Variants in GAS2L3 observed in about 807,000 individuals in gnomAD.
GAS2L3 encodes GAS2-like protein 3.
In GAS2L3, 28 loss-of-function variants were observed where a neutral mutation model predicts 37.0. The ratio of observed to expected loss-of-function variants is 0.76; its 90% CI spans 0.56 to 1.04. The LOEUF (loss-of-function observed/expected upper bound fraction) is 1.04, where lower values mean the gene tolerates loss of function less well. Ranked by LOEUF, GAS2L3 falls within the 50% of genes least tolerant of loss-of-function variation. GAS2L3 has a pLI of 0.00. For missense variants in GAS2L3, 793 were observed against 817.6 expected, an observed-to-expected ratio of 0.97 and a Z score of 0.37; for synonymous variants, 290 against 296.6, an observed-to-expected ratio of 0.98 and a Z score of 0.23.
intron 6 of GAS2L3, among the ~76,000 whole-genome samples, chr12:100,613,735 C>T (rs1347309388): frequency 6.6e-6 from 1 of 152,052 alleles, no homozygotes; most frequent in Admixed American, 6.6e-5. Flanking sequence ...GCTGGGACTA[C>T]AGGCACCTGC....
chr12:100,575,078 A>G (rs1955618511), intron 1 of GAS2L3, among the ~76,000 whole-genome samples: 1 of 152,110 alleles, frequency 6.6e-6, no homozygotes, highest in South Asian at 2.1e-4. Flanking sequence ...TAATCCTTCT[A>G]AGCCTAAATT....
intron 2 of GAS2L3, 141 bp from the exon 3 acceptor site, chr12:100,594,734 A>C: frequency 5.4e-6 from 2 of 368,260 alleles, no homozygotes; most frequent in Non-Finnish European, 1.0e-5. Flanking sequence ...ATTTTCTTAT[A>C]CTCAGACTTT....
Position 100,589,888 on chromosome 12 carries a change from TCTC to T in GAS2L3, c.-151-1847_-151-1845del, listed in dbSNP as rs1955825892. On this transcript the variant is annotated intron_variant, in intron 1 of 9. Transcript: ENST00000547754. ...GCTAGCCACGTGTAGGATCCTCATCTCTCACCTTACACAAAAATCAACTCAAGA... is the reference window on the plus strand; with the variant it reads ...GCTAGCCACGTGTAGGATCCTCATCTACCTTACACAAAAATCAACTCAAGA... 2.0e-5 allele frequency among the ~76,000 whole-genome samples: 3 copies of T among 152,198 alleles called. No homozygotes were observed. The South Asian group carries it at 6.2e-4, about 32-fold the overall frequency.
chr12:100,625,988 A>C lies in GAS2L3; in HGVS notation c.*1098A>C, dbSNP rs1314038390. On this transcript the variant is annotated 3_prime_UTR_variant, in exon 10 of 10. Transcript: ENST00000547754. ...ACAGGATATGTTCAAGGTTTTCTGC[A>C]CTGTAGGCACAGTCTCTCAAGCATA... 1 of 152,198 alleles carries C rather than the reference A, an allele frequency of 6.6e-6. No individual in the cohort carries two copies. The highest frequency in any genetic ancestry group is 1.5e-5 in the Non-Finnish European group (1 of 68,024). The allele number at this position is 152,198 out of a possible 1,614,324, so 9.4% of individuals were successfully genotyped here. A position where few individuals can be genotyped will look rare whatever the true frequency, so the allele number is the denominator to read the frequency against.
intron 1 of GAS2L3, among the ~76,000 whole-genome samples, chr12:100,581,579 G>A (rs1201322221): frequency 1.3e-5 from 2 of 152,186 alleles, no homozygotes; most frequent in East Asian, 3.8e-4. Context: ...GATATAAAAA[G>A]AAATATATTT....
At chr12:100,589,997 C>T (rs1285119380) in intron 1 of GAS2L3, among the ~76,000 whole-genome samples, 1 of 152,094 alleles carries the variant, frequency 6.6e-6, no homozygotes, top group Non-Finnish European at 1.5e-5. Context: ...TAGACATGGG[C>T]TTAGGCAAGG....
chr12:100,575,391 A>C (rs1449866502), intron 1 of GAS2L3, among the ~76,000 whole-genome samples: 1 of 151,962 alleles, frequency 6.6e-6, no homozygotes, highest in Non-Finnish European at 1.5e-5. Flanking sequence ...TATCAAACAC[A>C]TCATTATATA....
chr12:100,623,534 T>C (rs772883994), intron 9 of GAS2L3, 28 bp from the exon 10 acceptor site: 29 of 1,563,716 alleles, frequency 1.9e-5, no homozygotes, highest in Non-Finnish European at 2.5e-5. Context: ...GTATTACAGC[T>C]TTACTTTTTG....
intron 1 of GAS2L3, among the ~76,000 whole-genome samples, chr12:100,587,260 A>G (rs1318901667): frequency 1.3e-5 from 2 of 152,224 alleles, no homozygotes; most frequent in Non-Finnish European, 2.9e-5. Context: ...CAAATCCAGG[A>G]AAGGACATAA....
intron 2 of GAS2L3, among the ~76,000 whole-genome samples, chr12:100,594,307 A>T (rs1056958937): frequency 3.9e-5 from 6 of 152,028 alleles, no homozygotes; most frequent in Non-Finnish European, 7.4e-5. Context: ...TTTGGAGCTA[A>T]AATTGCTGTT....
intron 1 of GAS2L3, among the ~76,000 whole-genome samples, chr12:100,585,800 C>T (rs533159433): frequency 6.6e-6 from 1 of 152,316 alleles, no homozygotes; most frequent in East Asian, 1.9e-4. Context: ...TAGATTCTAG[C>T]TCAGTCACCA....
chr12:100,604,021 G>A (rs545445656), intron 5 of GAS2L3, among the ~76,000 whole-genome samples: 2 of 151,160 alleles, frequency 1.3e-5, no homozygotes, highest in Non-Finnish European at 3.0e-5. Context: ...TACTGTTTTG[G>A]TTGAAGTCAG....
Position 100,601,719 on chromosome 12 carries a change from A to C in GAS2L3, c.269A>C (p.Asn90Thr), listed in dbSNP as rs1269798532. The C allele has an allele frequency of 6.2e-7, 1 of 1,600,418 alleles. No individual in the cohort carries two copies. The highest frequency in any genetic ancestry group is 1.3e-5 in the African/African-American group (1 of 74,552). The change falls in exon 5 of 10, where the codon AAC becomes ACC. Residue 90 changes from asparagine (N) to threonine (T), a missense_variant. By Grantham distance (65) the Asn-to-Thr change is moderately conservative. Transcript: ENST00000547754. ...LLCQLIDVLQ[N>T]MVKTCNSEES... The stretch of plus-strand genomic sequence containing the variant: ...TGTCAACTGATTGATGTTCTTCAAA[A>C]CATGGTGAAAACATGCAACTCTGAA...
chr12:100,589,783 A>G (rs1955824287), intron 1 of GAS2L3, among the ~76,000 whole-genome samples: 2 of 152,194 alleles, frequency 1.3e-5, no homozygotes, highest in African/African-American at 4.8e-5. Context: ...ACTTACAGCC[A>G]AATCATCTTT....
intron 7 of GAS2L3, 86 bp from the exon 8 acceptor site, chr12:100,618,363 A>G: frequency 7.4e-7 from 1 of 1,352,130 alleles, no homozygotes; most frequent in South Asian, 1.4e-5. Context: ...TATAGACTTT[A>G]CTTCAGAAAG....
rs1304728163 is a variant in GAS2L3 at position 100,624,338 on chromosome 12, T to A, written c.1533T>A (p.Pro511=). The change falls in exon 10 of 10, where the codon CCT becomes CCA. Residue 511 remains proline (P), a synonymous_variant. Coordinates refer to ENST00000547754, the MANE Select transcript of GAS2L3 (RefSeq NM_174942.3). The stretch of plus-strand genomic sequence containing the variant: ...CTAAAGCAAATATACCTGTAAGACC[T>A]AAACCTTCTTTCCAGTCCTCTGCAA... ...KLPKANIPVR[P]KPSFQSSAKM... 6.2e-7 allele frequency: 1 copy of A among 1,613,890 alleles called. No homozygotes were observed. Among genetic ancestry groups the A allele is most frequent in the Non-Finnish European group, 8.5e-7 (1 of 1,180,016 alleles).
At chr12:100,610,209 C>A (rs1332194382) in intron 5 of GAS2L3, among the ~76,000 whole-genome samples, 1 of 152,020 alleles carries the variant, frequency 6.6e-6, no homozygotes, top group Non-Finnish European at 1.5e-5. Flanking sequence ...AGTGATAGTA[C>A]AAAAATTAGG....
At chr12:100,593,955 T>A (rs1442377087) in intron 2 of GAS2L3, 1 of 152,054 alleles carries the variant, frequency 6.6e-6, no homozygotes, top group Non-Finnish European at 1.5e-5. Context: ...CTAGAAGAAA[T>A]GTTCCTGAAA....
chr12:100,601,779 T>A (rs1357599267), intron 5 of GAS2L3, 26 bp downstream of exon 5: 19 of 1,203,132 alleles, frequency 1.6e-5, no homozygotes, highest in Non-Finnish European at 2.1e-5. Flanking sequence ...ACAGTATTGA[T>A]TTTATGTCTT....
Sources: allele counts gnomAD v4.1 joint callset (sites outside exome capture counted in the v4.1 genomes callset), GRCh38; gene constraint gnomAD v4.1.1; transcripts MANE v1.5; gene names NCBI Gene and HGNC (gene_info 2026-07-23, HGNC 2026-07-21).